The following ARL15 variants were observed in gnomAD, a reference collection of about 807,000 sequenced individuals.
The protein encoded by ARL15 is ARF like GTPase 15, also known as ADP-ribosylation factor-like protein 15.
In ARL15, 19 loss-of-function variants were observed where a neutral mutation model predicts 25.2. That is an observed-to-expected ratio of 0.75 (90% confidence interval 0.53 to 1.10). The LOEUF (loss-of-function observed/expected upper bound fraction) is 1.10, where lower values mean the gene tolerates loss of function less well. ARL15 is among the 50% of genes least tolerant of loss of function. The pLI is 0.00. For synonymous variants in ARL15, 94 were observed against 86.8 expected (o/e 1.08, Z -0.46); for missense variants, 220 against 246.0 (o/e 0.89, Z 0.71).
chr5:54,229,690 T>A (rs1303097727), intron 1 of ARL15, among the ~76,000 whole-genome samples: 1 of 152,160 alleles, frequency 6.6e-6, no homozygotes, highest in Non-Finnish European at 1.5e-5. Context: ...ATCTTAAGAT[T>A]ATTGTTATTC....
At chr5:54,128,527 G>C (rs1753329684) in intron 3 of ARL15, among the ~76,000 whole-genome samples, 1 of 152,014 alleles carries the variant, frequency 6.6e-6, no homozygotes, top group African/African-American at 2.4e-5. Flanking sequence ...CTATGTATCA[G>C]ACGTAACACT....
chr5:53,994,537 T>C (rs1435692781), intron 4 of ARL15, among the ~76,000 whole-genome samples: 1 of 152,196 alleles, frequency 6.6e-6, no homozygotes, highest in Non-Finnish European at 1.5e-5. Flanking sequence ...AAGTGGCTCC[T>C]AGGGGCTCCA....
chr5:54,223,188 A>T (rs1756426305), intron 1 of ARL15, among the ~76,000 whole-genome samples: 1 of 151,908 alleles, frequency 6.6e-6, no homozygotes, highest in East Asian at 1.9e-4. Context: ...CTTTCATGAG[A>T]ACACTAAACC....
intron 1 of ARL15, among the ~76,000 whole-genome samples, chr5:54,288,698 C>G (rs1758244544): frequency 6.6e-6 from 1 of 152,126 alleles, no homozygotes; most frequent in African/African-American, 2.4e-5. Context: ...AGTCTGACTA[C>G]CAAAGGCCAA....
At position 54,310,559 on chromosome 5, in the gene ARL15, G is replaced by GA. The variant is rs1020101404; in HGVS notation, c.-81dup. On this transcript the variant is annotated 5_prime_UTR_variant, in exon 1 of 5. Coordinates refer to ENST00000504924, the MANE Select transcript of ARL15 (RefSeq NM_019087.3). ...CTCTGGCTGCGAGCGAGCAGCTCCT[G>GA]AAAAAGCCAGCAACAGCGAAAATAG... 44 of 1,481,628 alleles carry GA rather than the reference G, an allele frequency of 3.0e-5. No homozygotes were observed. Among genetic ancestry groups the GA allele is most frequent in the Admixed American group, 4.4e-5 (2 of 45,924 alleles). The allele number at this position is 1,481,628 out of a possible 1,614,324, so 91.8% of individuals were successfully genotyped here. A position where few individuals can be genotyped will look rare whatever the true frequency, so the allele number is the denominator to read the frequency against.
At chr5:54,063,319 T>C (rs1751122999) in intron 4 of ARL15, among the ~76,000 whole-genome samples, 1 of 152,210 alleles carries the variant, frequency 6.6e-6, no homozygotes, top group Non-Finnish European at 1.5e-5. Context: ...TTCACTGTGC[T>C]GCCAAACTGT....
intron 2 of ARL15, among the ~76,000 whole-genome samples, chr5:54,168,491 C>T (rs1368338398): frequency 6.6e-6 from 1 of 151,862 alleles, no homozygotes; most frequent in Non-Finnish European, 1.5e-5. Flanking sequence ...GAATACCCAG[C>T]ATAACTGTCA....
intron 1 of ARL15, among the ~76,000 whole-genome samples, chr5:54,189,886 T>C (rs1427478015): frequency 1.3e-5 from 2 of 152,092 alleles, no homozygotes; most frequent in East Asian, 1.9e-4. Context: ...AGTTAGTCCA[T>C]AGAATGGGAA....
chr5:53,975,349 T>C (rs145612178), intron 4 of ARL15, among the ~76,000 whole-genome samples: 4 of 152,278 alleles, frequency 2.6e-5, no homozygotes, highest in African/African-American at 9.6e-5. Flanking sequence ...GCTGGAAATA[T>C]CTCAGTTTCA....
chr5:54,142,321 TGGATTATA>T (rs770690914), intron 3 of ARL15, among the ~76,000 whole-genome samples: 17 of 152,296 alleles, frequency 1.1e-4, no homozygotes, highest in Non-Finnish European at 2.2e-4. Flanking sequence ...TGGGGGAATT[TGGATTATA>T]GGAGATAGGA....
At chr5:54,101,331 A>G (rs900278447) in intron 4 of ARL15, among the ~76,000 whole-genome samples, 2 of 152,144 alleles carry the variant, frequency 1.3e-5, no homozygotes, top group African/African-American at 4.8e-5. Context: ...AAAACAAATA[A>G]TGAAAGAATT....
At chr5:54,298,399 C>T (rs1225282258) in intron 1 of ARL15, among the ~76,000 whole-genome samples, 1 of 152,202 alleles carries the variant, frequency 6.6e-6, no homozygotes, top group Non-Finnish European at 1.5e-5. Flanking sequence ...ATCCTCGGCC[C>T]TCCGTCCTCA....
At chr5:54,185,529 G>T (rs1243678673) in intron 1 of ARL15, among the ~76,000 whole-genome samples, 1 of 152,182 alleles carries the variant, frequency 6.6e-6, no homozygotes, top group Non-Finnish European at 1.5e-5. Context: ...GAACATGAGT[G>T]TCTGACCAAG....
At chr5:54,201,549 C>T (rs1350743125) in intron 1 of ARL15, among the ~76,000 whole-genome samples, 2 of 152,232 alleles carry the variant, frequency 1.3e-5, no homozygotes, top group Admixed American at 6.6e-5. Context: ...TCACCCCAGC[C>T]AGTCTTCCGC....
intron 3 of ARL15, among the ~76,000 whole-genome samples, chr5:54,143,830 G>A (rs1561241014): frequency 6.6e-6 from 1 of 151,934 alleles, no homozygotes; most frequent in African/African-American, 2.4e-5. Context: ...TATATGAGCT[G>A]AATAGGTAAA....
chr5:54,026,413 G>T (rs1344683731), intron 4 of ARL15, among the ~76,000 whole-genome samples: 1 of 152,050 alleles, frequency 6.6e-6, no homozygotes, highest in Non-Finnish European at 1.5e-5. Context: ...GGAATTACAG[G>T]TGTGCACCAC....
At chr5:54,256,621 A>G (rs546757843) in intron 1 of ARL15, among the ~76,000 whole-genome samples, 6 of 151,286 alleles carry the variant, frequency 4.0e-5, no homozygotes, top group African/African-American at 1.2e-4. Context: ...TAAAAAAAAA[A>G]AAAAAGAAAA....
chr5:54,000,714 C>A (rs1748825696), intron 4 of ARL15, among the ~76,000 whole-genome samples: 1 of 152,028 alleles, frequency 6.6e-6, no homozygotes, highest in Non-Finnish European at 1.5e-5. Flanking sequence ...GTCCCTAATT[C>A]CTAACCAAAA....
intron 4 of ARL15, among the ~76,000 whole-genome samples, chr5:54,092,343 T>A (rs188213525): frequency 1.2e-4 from 19 of 152,266 alleles, no homozygotes; most frequent in African/African-American, 4.3e-4. Context: ...AGATGCTCCA[T>A]CAATCCATAT....
Sources: gnomAD v4.1 joint callset for allele counts (sites outside exome capture counted in the v4.1 genomes callset) on GRCh38, gnomAD v4.1.1 for gene constraint, MANE v1.5 for transcripts, NCBI Gene and HGNC (gene_info 2026-07-23, HGNC 2026-07-21) for gene names.